Variants in NT5M observed in about 807,000 individuals in gnomAD.
NT5M encodes the protein 5',3'-nucleotidase, mitochondrial, also known as 5'(3')-deoxyribonucleotidase, mitochondrial.
In NT5M, 22 loss-of-function variants were observed where a neutral mutation model predicts 22.2. The observed-to-expected ratio is 0.99, with a 90% CI of 0.71 to 1.41. The LOEUF (loss-of-function observed/expected upper bound fraction) is 1.41, where lower values mean the gene tolerates loss of function less well. Ranked by LOEUF, NT5M falls within the 40% of genes most tolerant of loss-of-function variation. The pLI is 0.00. For missense variants in NT5M, 322 were observed against 314.8 expected (o/e 1.02, Z -0.17); for synonymous variants, 167 against 133.0 (o/e 1.26, Z -1.76).
intron 4 of NT5M, chr17:17,345,183 T>C (rs1188864838): frequency 1.7e-6 from 2 of 1,172,394 alleles, no homozygotes; most frequent in East Asian, 3.2e-5. Flanking sequence ...GTCTTCCTCA[T>C]GTAACATGGG....
rs1433978536 is a variant in NT5M at position 17,332,995 on chromosome 17, G to GC, written c.429+9751dup. 7.2e-5 allele frequency among the ~76,000 whole-genome samples: 11 copies of GC among 152,174 alleles called. 1 individual carries two copies. Among genetic ancestry groups the GC allele is most frequent in the Admixed American group, 7.2e-4 (11 of 15,270 alleles). On this transcript the variant is annotated intron_variant, in intron 3 of 4. Coordinates refer to ENST00000389022, the MANE Select transcript of NT5M (RefSeq NM_020201.4). Reference sequence around the variant, plus strand: ...TCCACAGTGAATGAGAGTCCCTCTTGCTCCCTATCCTTGTCAGCATTTGGT... The same window carrying GC: ...TCCACAGTGAATGAGAGTCCCTCTTGCCTCCCTATCCTTGTCAGCATTTGGT...
chr17:17,346,089 C>T (rs1441259210), intron 4 of NT5M, among the ~76,000 whole-genome samples: 1 of 152,160 alleles, frequency 6.6e-6, no homozygotes, highest in Non-Finnish European at 1.5e-5. Flanking sequence ...GGGAAACATG[C>T]CCACCTCCAT....
intron 2 of NT5M, among the ~76,000 whole-genome samples, chr17:17,312,134 G>A (rs2048933146): frequency 6.6e-6 from 1 of 152,218 alleles, no homozygotes; most frequent in African/African-American, 2.4e-5. Context: ...ATATGTGCCT[G>A]GCACATAGCA....
At chr17:17,335,598 T>C (rs941232162) in intron 3 of NT5M, among the ~76,000 whole-genome samples, 1 of 152,118 alleles carries the variant, frequency 6.6e-6, no homozygotes, top group South Asian at 2.1e-4. Context: ...CTTTGTGTTA[T>C]AGACAATCCA....
At chr17:17,325,468 T>C (rs763027995) in intron 3 of NT5M, among the ~76,000 whole-genome samples, 4 of 152,106 alleles carry the variant, frequency 2.6e-5, no homozygotes, top group Admixed American at 6.5e-5. Context: ...GTGAGTCCCA[T>C]GTCCCATGGG....
intron 2 of NT5M, among the ~76,000 whole-genome samples, chr17:17,313,655 A>G (rs771450134): frequency 6.6e-6 from 1 of 152,172 alleles, no homozygotes; most frequent in Non-Finnish European, 1.5e-5. Context: ...ACAAATAGGT[A>G]AGAGAGTTCT....
chr17:17,333,186 A>C (rs944516517), intron 3 of NT5M, among the ~76,000 whole-genome samples: 1 of 152,184 alleles, frequency 6.6e-6, no homozygotes, highest in African/African-American at 2.4e-5. Context: ...CTCGTTTCTC[A>C]TTGAGTTGTT....
At chr17:17,331,036 C>T (rs1286823809) in intron 3 of NT5M, among the ~76,000 whole-genome samples, 2 of 151,730 alleles carry the variant, frequency 1.3e-5, no homozygotes, top group Non-Finnish European at 2.9e-5. Flanking sequence ...GCCACTGGAC[C>T]CGGCCTTCTT....
intron 1 of NT5M, 49 bp downstream of exon 1, chr17:17,303,866 C>A: frequency 7.5e-7 from 1 of 1,329,632 alleles, no homozygotes; most frequent in Non-Finnish European, 9.7e-7. Context: ...TCGCCCCGAG[C>A]CCCAGACACC....
At chr17:17,334,287 A>G (rs546755104) in intron 3 of NT5M, among the ~76,000 whole-genome samples, 1 of 150,456 alleles carries the variant, frequency 6.6e-6, no homozygotes, top group South Asian at 2.1e-4. Context: ...TAATTATCAT[A>G]TATTGTAGGA....
At chr17:17,313,614 T>C (rs1477701678) in intron 2 of NT5M, among the ~76,000 whole-genome samples, 1 of 152,230 alleles carries the variant, frequency 6.6e-6, no homozygotes, top group Non-Finnish European at 1.5e-5. Flanking sequence ...ATCTGCTGCA[T>C]GCTCAGCCTC....
At chr17:17,341,752 T>C (rs1190255552) in intron 3 of NT5M, among the ~76,000 whole-genome samples, 2 of 152,174 alleles carry the variant, frequency 1.3e-5, no homozygotes, top group South Asian at 4.1e-4. Context: ...TAACCCTGGC[T>C]GGGTGCAGTG....
intron 2 of NT5M, among the ~76,000 whole-genome samples, chr17:17,318,388 G>A (rs2049077145): frequency 6.7e-6 from 1 of 150,174 alleles, no homozygotes; most frequent in Admixed American, 6.8e-5. Context: ...GCTGACCCAG[G>A]AGAATCACTT....
chr17:17,303,606 C>G lies in NT5M; in HGVS notation c.56C>G (p.Ala19Gly). The stretch of plus-strand genomic sequence containing the variant: ...CGGCTCTGCAGCGCGGCGGTTCCCG[C>G]GGGGCGGCGCGGGGCGGCGGGCGGG... ...ARRLCSAAVP[A>G]GRRGAAGGLG... Residue 19 changes from alanine to glycine, a missense_variant, in exon 1 of 5, where the codon GCG (alanine) becomes GGG (glycine). Physicochemically the swap from Ala to Gly is moderately conservative, Grantham distance 60. Transcript: ENST00000389022. The G allele has an allele frequency of 8.1e-7, 1 of 1,237,444 alleles. No individual in the cohort carries two copies. Among genetic ancestry groups the G allele is most frequent in the Non-Finnish European group, 1.0e-6 (1 of 985,412 alleles). 76.7% of individuals were successfully genotyped at this position (1,237,444 alleles called of 1,614,324 possible).
Position 17,303,829 on chromosome 17 carries a change from C to T in NT5M, c.267+12C>T. On this transcript the variant is annotated intron_variant, in intron 1 of 4. Transcript: ENST00000389022. ...GGCCAGGGCTGAGCGTGAGCGTCCC[C>T]GCCCCGCCCCGCGCCGGGCCTCCTT... The T allele has an allele frequency of 7.2e-7, 1 of 1,381,990 alleles. No homozygotes were observed. Among genetic ancestry groups the T allele is most frequent in the Non-Finnish European group, 9.5e-7 (1 of 1,055,568 alleles). The allele number at this position is 1,381,990 out of a possible 1,614,324, so 85.6% of individuals were successfully genotyped here.
rs917603524 is a variant in NT5M, at chr17:17,344,775, C to T, written c.430-19C>T. 1.9e-6 allele frequency: 3 copies of T among 1,612,850 alleles called. No homozygotes were observed. The African/African-American group carries it at 4.0e-5, about 22-fold the overall frequency. ...TGTCACTTTCTTCTCACCACCTGCC[C>T]TTGCCTGTTTGCGTCCAGTATGCCT... On this transcript the variant is annotated intron_variant, in intron 3 of 4. Coordinates refer to ENST00000389022, the MANE Select transcript of NT5M (RefSeq NM_020201.4).
At chr17:17,313,197 G>C (rs761816113) in intron 2 of NT5M, among the ~76,000 whole-genome samples, 7 of 152,090 alleles carry the variant, frequency 4.6e-5, no homozygotes, top group Non-Finnish European at 8.8e-5. Flanking sequence ...AGAATCGCTT[G>C]AACCCCTGGA....
chr17:17,338,978 C>T (rs530748385), intron 3 of NT5M, among the ~76,000 whole-genome samples: 29 of 152,156 alleles, frequency 1.9e-4, no homozygotes, highest in Admixed American at 1.6e-3. Context: ...CTGCCTGCCT[C>T]GGCCTCCCGA....
chr17:17,343,398 G>A (rs1424568736), intron 3 of NT5M, among the ~76,000 whole-genome samples: 2 of 152,200 alleles, frequency 1.3e-5, no homozygotes, highest in African/African-American at 4.8e-5. Context: ...CAAGCGAGGT[G>A]GCCACAGGGA....
Sources: gnomAD v4.1 joint callset for allele counts (sites outside exome capture counted in the v4.1 genomes callset) on GRCh38, gnomAD v4.1.1 for gene constraint, MANE v1.5 for transcripts, NCBI Gene and HGNC (gene_info 2026-07-23, HGNC 2026-07-21) for gene names.